The following SESN1 variants were observed in gnomAD, a reference collection of about 807,000 sequenced individuals.
SESN1 encodes sestrin-1.
In SESN1, 30 loss-of-function variants were observed where a neutral mutation model predicts 59.3. The ratio of observed to expected loss-of-function variants is 0.51; its 90% CI spans 0.38 to 0.69. The LOEUF (loss-of-function observed/expected upper bound fraction) is 0.69, where lower values mean the gene tolerates loss of function less well. SESN1 is among the 30% of genes least tolerant of loss of function. The pLI, the probability that SESN1 is intolerant of heterozygous loss-of-function variation, is 0.00. For missense variants in SESN1, 566 were observed against 673.0 expected, an observed-to-expected ratio of 0.84 and a Z score of 1.76; for synonymous variants, 197 against 219.9, an observed-to-expected ratio of 0.90 and a Z score of 0.92.
chr6:109,045,876 T>C (rs1166897931), intron 1 of SESN1, among the ~76,000 whole-genome samples: 1 of 152,222 alleles, frequency 6.6e-6, no homozygotes. Flanking sequence ...ATAATACATG[T>C]TTCTGAAATA....
chr6:109,070,679 A>G (rs1025046990), intron 1 of SESN1, among the ~76,000 whole-genome samples: 3 of 152,224 alleles, frequency 2.0e-5, no homozygotes, highest in African/African-American at 7.2e-5. Flanking sequence ...TAAATCAAAA[A>G]TCTGAAAATG....
At chr6:109,066,275 A>T (rs939331749) in intron 1 of SESN1, among the ~76,000 whole-genome samples, 1 of 151,176 alleles carries the variant, frequency 6.6e-6, no homozygotes, top group Non-Finnish European at 1.5e-5. Context: ...GCAAAACATA[A>T]GCTTGCTTAT....
At chr6:109,058,939 TA>T (rs1338397690) in intron 1 of SESN1, among the ~76,000 whole-genome samples, 2 of 91,626 alleles carry the variant, frequency 2.2e-5, no homozygotes, top group Non-Finnish European at 2.2e-5. Context: ...GGTGGGTGGG[TA>T]GGGGGGTACC....
At chr6:109,001,720 G>C (rs1779629914) in intron 2 of SESN1, among the ~76,000 whole-genome samples, 1 of 152,168 alleles carries the variant, frequency 6.6e-6, no homozygotes, top group South Asian at 2.1e-4. Context: ...CATCTAGATA[G>C]GCTGCTTGCA....
intron 1 of SESN1, among the ~76,000 whole-genome samples, chr6:109,068,681 G>A (rs1780876257): frequency 6.6e-6 from 1 of 150,912 alleles, no homozygotes; most frequent in African/African-American, 2.4e-5. Context: ...GCATAGTGGG[G>A]AGAAACATAT....
intron 1 of SESN1, among the ~76,000 whole-genome samples, chr6:109,074,826 A>G (rs575679112): frequency 6.6e-6 from 1 of 152,374 alleles, no homozygotes; most frequent in East Asian, 1.9e-4. Flanking sequence ...AAGAAAGCTG[A>G]CTGCCATTTC....
At chr6:109,055,661 C>CAAAAAAA (rs577017689) in intron 1 of SESN1, among the ~76,000 whole-genome samples, 5 of 51,244 alleles carry the variant, frequency 9.8e-5, no homozygotes, top group East Asian at 6.2e-4. Context: ...GACTCCACCT[C>CAAAAAAA]AAAAAAAAAA....
chr6:109,060,169 C>T (rs1014627916), intron 1 of SESN1, among the ~76,000 whole-genome samples: 2 of 152,020 alleles, frequency 1.3e-5, no homozygotes, highest in Admixed American at 6.6e-5. Context: ...ACAATCTAAT[C>T]TGTGGAAAAA....
At chr6:109,026,777 G>A (rs113948720) in intron 1 of SESN1, among the ~76,000 whole-genome samples, 16,554 of 152,124 alleles carry the variant, frequency 0.11, 1,028 homozygotes, top group Middle Eastern at 0.19. Context: ...TGCTGGGATT[G>A]CAGGCGTGAG....
chr6:108,994,671 T>A, intron 5 of SESN1, 62 bp from the exon 6 acceptor site: 1 of 1,320,714 alleles, frequency 7.6e-7, no homozygotes, highest in South Asian at 1.4e-5. Flanking sequence ...GAATTATCTT[T>A]TAAGTCTGTC....
intron 1 of SESN1, among the ~76,000 whole-genome samples, chr6:109,019,717 G>A (rs1377034451): frequency 1.3e-5 from 2 of 152,024 alleles, no homozygotes; most frequent in African/African-American, 2.4e-5. Context: ...GTTTGGATTT[G>A]TTCTTATTAA....
intron 1 of SESN1, among the ~76,000 whole-genome samples, chr6:109,048,339 CT>C (rs1249412324): frequency 6.6e-6 from 1 of 151,784 alleles, no homozygotes; most frequent in Non-Finnish European, 1.5e-5. Context: ...CTCCACCTCC[CT>C]TGTTTACTTG....
At chr6:109,067,960 A>T (rs1276245505) in intron 1 of SESN1, among the ~76,000 whole-genome samples, 2 of 152,208 alleles carry the variant, frequency 1.3e-5, no homozygotes, top group Non-Finnish European at 2.9e-5. Flanking sequence ...AGGGAGAAGA[A>T]GGTCAGGGTA....
At position 109,065,565 on chromosome 6, in the gene SESN1, A is replaced by G. The variant is rs143607207; in HGVS notation, c.279+28230T>C. The stretch of plus-strand genomic sequence containing the variant: ...CCTTTTTCTTTCTTAAATAGCCTCA[A>G]ATGTGTAACAATATGACTAGAGGAT... On this transcript the variant is annotated intron_variant, in intron 1 of 9. Transcript: ENST00000436639. 5.3e-5 allele frequency among the ~76,000 whole-genome samples: 8 copies of G among 152,222 alleles called. No homozygotes were observed. The East Asian group carries it at 1.5e-3, about 29-fold the overall frequency.
intron 1 of SESN1, among the ~76,000 whole-genome samples, chr6:109,056,044 C>A (rs1780628209): frequency 6.6e-6 from 1 of 152,202 alleles, no homozygotes; most frequent in Admixed American, 6.5e-5. Flanking sequence ...TAAGCTATTT[C>A]TGTTAGCTAG....
intron 1 of SESN1, among the ~76,000 whole-genome samples, chr6:109,080,443 C>G (rs968934365): frequency 1.3e-5 from 2 of 152,016 alleles, no homozygotes; most frequent in Non-Finnish European, 2.9e-5. Context: ...AGAATCCTTG[C>G]GATCAGGCAA....
Position 109,001,368 on chromosome 6 carries a change from T to A in SESN1, c.466A>T (p.Ser156Cys), listed in dbSNP as rs760307290. The part of the protein sequence containing the change: ...VMVFHPQYLE[S>C]FLKTQHYLLQ... The stretch of plus-strand genomic sequence containing the variant: ...AGATAGTGCTGAGTTTTTAAGAAAC[T>A]TTCTAAATATTGTGGGTGGAAAACC... The change falls in exon 3 of 10, where the codon AGT (serine) becomes TGT (cysteine). Residue 156 changes from serine to cysteine, a missense_variant. Ser to Cys is a moderately radical substitution (Grantham distance 112). Transcript: ENST00000436639. 6.2e-7 allele frequency: 1 copy of A among 1,613,902 alleles called. No homozygotes were observed.
chr6:109,094,464 C>G lies in SESN1; in HGVS notation c.-391G>C. ...AAGGCTGTTAACAGCTGAACGCCCT[C>G]CAGCCATTCGGGGCTTTTTTGTCTG... On this transcript the variant is annotated 5_prime_UTR_variant, in exon 1 of 10. Coordinates refer to ENST00000436639, the MANE Select transcript of SESN1 (RefSeq NM_014454.3). 1 of 180,150 alleles carries G rather than the reference C, an allele frequency of 5.6e-6. No individual in the cohort carries two copies. Among genetic ancestry groups the G allele is most frequent in the Non-Finnish European group, 1.2e-5 (1 of 85,654 alleles). 11.2% of individuals were successfully genotyped at this position (180,150 alleles called of 1,614,324 possible). A position where few individuals can be genotyped will look rare whatever the true frequency, so the allele number is the denominator to read the frequency against.
At chr6:109,012,605 A>G (rs1050028873) in intron 1 of SESN1, among the ~76,000 whole-genome samples, 2 of 152,204 alleles carry the variant, frequency 1.3e-5, no homozygotes, top group African/African-American at 4.8e-5. Context: ...AAGGAAAAAG[A>G]CACCTGAGCT....
Sources: allele counts gnomAD v4.1 joint callset (sites outside exome capture counted in the v4.1 genomes callset), GRCh38; gene constraint gnomAD v4.1.1; transcripts MANE v1.5; gene names NCBI Gene and HGNC (gene_info 2026-07-23, HGNC 2026-07-21).